Variants in CRISP1 observed in about 807,000 individuals in gnomAD.
CRISP1 encodes cysteine rich secretory protein 1, also known as cysteine-rich secretory protein 1.
In CRISP1, 44 loss-of-function variants were observed where a neutral mutation model predicts 33.1. That is an observed-to-expected ratio of 1.33 (90% CI 1.05 to 1.71). CRISP1 has a LOEUF of 1.71. CRISP1 is among the 40% of genes most tolerant of loss of function. CRISP1 has a pLI of 0.00. For missense variants in CRISP1, 390 were observed against 301.2 expected (o/e 1.29, Z -2.18); for synonymous variants, 103 against 98.7 (o/e 1.04, Z -0.26).
chr6:49,851,079 A>G (rs1166404025), intron 3 of CRISP1, among the ~76,000 whole-genome samples: 2 of 152,218 alleles, frequency 1.3e-5, no homozygotes, highest in East Asian at 1.9e-4. Context: ...GTTGGCTACA[A>G]CACCATGCAG....
intron 1 of CRISP1, among the ~76,000 whole-genome samples, chr6:49,872,154 T>G (rs909377943): frequency 2.6e-5 from 4 of 152,252 alleles, no homozygotes; most frequent in African/African-American, 9.6e-5. Context: ...TGGCCACTGA[T>G]GATGAGCATT....
chr6:49,863,398 G>T (rs1253933772), intron 1 of CRISP1, among the ~76,000 whole-genome samples: 1 of 152,116 alleles, frequency 6.6e-6, no homozygotes, highest in Non-Finnish European at 1.5e-5. Flanking sequence ...TTAGGTAAAG[G>T]TAGCTCTTCT....
chr6:49,847,742 T>C (rs777291270), intron 4 of CRISP1, among the ~76,000 whole-genome samples: 2 of 152,164 alleles, frequency 1.3e-5, no homozygotes, highest in Non-Finnish European at 2.9e-5. Context: ...ACCTAATTTA[T>C]ATGCTTTAAG....
chr6:49,871,644 G>A (rs987783718), intron 1 of CRISP1, among the ~76,000 whole-genome samples: 13 of 144,840 alleles, frequency 9.0e-5, no homozygotes, highest in Admixed American at 4.4e-4. Context: ...GTGAGAACAC[G>A]TGGTGTTTGG....
rs146514041 is a variant in CRISP1 at position 49,852,253 on chromosome 6, G to A, written c.67-124C>T. 473 of 839,858 alleles carry A rather than the reference G, an allele frequency of 5.6e-4. 3 individuals are homozygous for A. The African/African-American group carries it at 7.5e-3, about 13-fold the overall frequency. The allele number at this position is 839,858 out of a possible 1,614,324, so 52.0% of individuals were successfully genotyped here. ...TTAAACAGTGATTTATAGCATTTTT[G>A]AATTTATAATGTCTCATTATATTGG... On this transcript the variant is annotated intron_variant, in intron 2 of 7. Transcript: ENST00000335847.
intron 1 of CRISP1, among the ~76,000 whole-genome samples, chr6:49,858,325 C>G (rs999743882): frequency 1.3e-5 from 2 of 151,038 alleles, no homozygotes; most frequent in African/African-American, 4.9e-5. Context: ...TTCTTTTCAC[C>G]ATCTGCCAAG....
intron 4 of CRISP1, among the ~76,000 whole-genome samples, chr6:49,847,827 T>G (rs1771228761): frequency 6.6e-6 from 1 of 152,136 alleles, no homozygotes; most frequent in South Asian, 2.1e-4. Context: ...ATTTCTCAAC[T>G]GCATTATCGT....
chr6:49,838,432 C>T lies in CRISP1; in HGVS notation c.622+5G>A. 1.2e-6 allele frequency: 2 copies of T among 1,606,766 alleles called. No homozygotes were observed. Among genetic ancestry groups the T allele is most frequent in the Non-Finnish European group, 1.7e-6 (2 of 1,175,026 alleles). On this transcript the variant is annotated splice_donor_5th_base_variant and intron_variant, in intron 7 of 7. Transcript: ENST00000335847. Reference sequence around the variant, plus strand: ...TGTAAACAAACAGAATGCAAACAAACTTACTGCAAAGTTTGTCTTCACAGT... The same window carrying T: ...TGTAAACAAACAGAATGCAAACAAATTTACTGCAAAGTTTGTCTTCACAGT...
intron 1 of CRISP1, among the ~76,000 whole-genome samples, chr6:49,857,987 C>T (rs1771541930): frequency 6.6e-6 from 1 of 152,126 alleles, no homozygotes; most frequent in African/African-American, 2.4e-5. Flanking sequence ...TTCTGACCTC[C>T]AGAACAGTAG....
chr6:49,861,881 TAA>T (rs35015397), intron 1 of CRISP1, among the ~76,000 whole-genome samples: 3 of 144,342 alleles, frequency 2.1e-5, no homozygotes, highest in South Asian at 2.2e-4. Flanking sequence ...CAAGACTCCA[TAA>T]AAAAAAAAAT....
intron 1 of CRISP1, among the ~76,000 whole-genome samples, chr6:49,860,101 T>A (rs1771605765): frequency 1.3e-5 from 2 of 151,994 alleles, no homozygotes; most frequent in South Asian, 4.1e-4. Context: ...CACCCAACAA[T>A]GGAGCACCTA....
At chr6:49,862,914 TTAA>T (rs972834122) in intron 1 of CRISP1, among the ~76,000 whole-genome samples, 17 of 152,020 alleles carry the variant, frequency 1.1e-4, no homozygotes, top group Middle Eastern at 3.4e-3. Context: ...AGGGTAAAAG[TTAA>T]TAATTCAACA....
intron 3 of CRISP1, among the ~76,000 whole-genome samples, chr6:49,850,018 T>C (rs1314499771): frequency 7.0e-6 from 1 of 143,574 alleles, no homozygotes; most frequent in Non-Finnish European, 1.5e-5. Context: ...AAACACCGCA[T>C]ATTCTCACTC....
intron 7 of CRISP1, among the ~76,000 whole-genome samples, chr6:49,836,552 G>A (rs575354715): frequency 4.6e-5 from 7 of 151,728 alleles, no homozygotes; most frequent in Non-Finnish European, 7.4e-5. Context: ...GTTAGCCAGG[G>A]TGGTCTACGA....
At chr6:49,836,043 C>G (rs1770779842) in intron 7 of CRISP1, among the ~76,000 whole-genome samples, 1 of 152,010 alleles carries the variant, frequency 6.6e-6, no homozygotes, top group African/African-American at 2.4e-5. Context: ...ATGAAGATAC[C>G]CAAAATTTTA....
intron 6 of CRISP1, among the ~76,000 whole-genome samples, chr6:49,839,200 C>A (rs2127468919): frequency 8.0e-6 from 1 of 125,016 alleles, no homozygotes; most frequent in South Asian, 2.6e-4. Context: ...TTTGAGAGGG[C>A]AAAGTGGAAG....
At chr6:49,868,332 CT>C (rs1771846067), upstream of CRISP1, among the ~76,000 whole-genome samples, 2 of 152,114 alleles carry the variant, frequency 1.3e-5, no homozygotes, top group Admixed American at 1.3e-4. Flanking sequence ...TCTACAATAA[CT>C]TTTTTCCCTA....
intron 5 of CRISP1, among the ~76,000 whole-genome samples, chr6:49,843,487 G>T (rs1414917286): frequency 1.3e-5 from 2 of 152,160 alleles, no homozygotes; most frequent in Non-Finnish European, 2.9e-5. Context: ...CATAGTGAAA[G>T]GAAGCAGTCT....
At chr6:49,845,707 C>A (rs1295274670) in intron 5 of CRISP1, among the ~76,000 whole-genome samples, 48 of 145,460 alleles carry the variant, frequency 3.3e-4, no homozygotes, top group African/African-American at 6.0e-4. Flanking sequence ...TCACAATAGC[C>A]AAAAAAAAAA....
Sources: allele counts gnomAD v4.1 joint callset (sites outside exome capture counted in the v4.1 genomes callset), GRCh38; gene constraint gnomAD v4.1.1; transcripts MANE v1.5; gene names NCBI Gene and HGNC (gene_info 2026-07-23, HGNC 2026-07-21).